The following ARFGEF1 variants were observed in gnomAD, a reference collection of about 807,000 sequenced individuals.
The protein encoded by ARFGEF1 is brefeldin A-inhibited guanine nucleotide-exchange protein 1.
In ARFGEF1, 42 loss-of-function variants were observed where a neutral mutation model predicts 231.0. The ratio of observed to expected loss-of-function variants is 0.18; its 90% CI spans 0.14 to 0.24. The LOEUF (loss-of-function observed/expected upper bound fraction) is 0.24, where lower values mean the gene tolerates loss of function less well. Ranked by LOEUF, ARFGEF1 falls within the 10% of genes least tolerant of loss-of-function variation. ARFGEF1 has a pLI of 1.00. For missense variants in ARFGEF1, 1,345 were observed against 2,192.0 expected, an observed-to-expected ratio of 0.61 and a Z score of 7.72; for synonymous variants, 710 against 732.3, an observed-to-expected ratio of 0.97 and a Z score of 0.49.
In ARFGEF1 at chr8:67,275,847, C is replaced by T. The variant is rs1431357378; in HGVS notation, c.1337+129G>A. ...CTTTTTTCTTAAACGTAAAATACCT[C>T]CCCTCCACCCAATTTTTTTTTATGG... On this transcript the variant is annotated intron_variant, in intron 9 of 38. Coordinates refer to ENST00000262215, the MANE Select transcript of ARFGEF1 (RefSeq NM_006421.5). The T allele has an allele frequency of 1.3e-5, 15 of 1,123,014 alleles. No individual in the cohort carries two copies. The Admixed American group carries it at 3.1e-4, about 23-fold the overall frequency. The allele number at this position is 1,123,014 out of a possible 1,614,324, so 69.6% of individuals were successfully genotyped here. A position where few individuals can be genotyped will look rare whatever the true frequency, so the allele number is the denominator to read the frequency against.
At chr8:67,289,273 C>G (rs575855733) in intron 6 of ARFGEF1, among the ~76,000 whole-genome samples, 6 of 152,082 alleles carry the variant, frequency 3.9e-5, no homozygotes, top group Admixed American at 3.9e-4. Flanking sequence ...ACCACTACAG[C>G]TGAGCACAGG....
intron 14 of ARFGEF1, among the ~76,000 whole-genome samples, chr8:67,262,142 T>C (rs538206449): frequency 6.6e-6 from 1 of 152,220 alleles, no homozygotes; most frequent in Non-Finnish European, 1.5e-5. Flanking sequence ...AAGGATTCAC[T>C]GTTCTAGATG....
intron 30 of ARFGEF1, among the ~76,000 whole-genome samples, chr8:67,218,480 C>T (rs901955621): frequency 1.3e-4 from 19 of 151,640 alleles, no homozygotes; most frequent in Non-Finnish European, 2.2e-4. Flanking sequence ...ATAGCAACGC[C>T]GGCCTTGCTC....
At chr8:67,206,840 C>T (rs946015063) in intron 34 of ARFGEF1, among the ~76,000 whole-genome samples, 1 of 152,206 alleles carries the variant, frequency 6.6e-6, no homozygotes, top group African/African-American at 2.4e-5. Flanking sequence ...GGCTTCAATG[C>T]TGGGCGACTT....
At chr8:67,266,341 G>C in intron 13 of ARFGEF1, 134 bp from the exon 14 acceptor site, 1 of 664,136 alleles carries the variant, frequency 1.5e-6, no homozygotes, top group Non-Finnish European at 2.6e-6. Context: ...ATAACTATTA[G>C]GTAACATAGT....
chr8:67,280,415 T>C (rs2128902420), intron 7 of ARFGEF1, among the ~76,000 whole-genome samples: 1 of 152,314 alleles, frequency 6.6e-6, no homozygotes, highest in Middle Eastern at 3.4e-3. Flanking sequence ...CTCAGCTAAC[T>C]GGGAATGCTG....
At chr8:67,289,798 T>C (rs78701295) in intron 6 of ARFGEF1, among the ~76,000 whole-genome samples, 3,210 of 152,208 alleles carry the variant, frequency 0.021, 129 homozygotes, top group African/African-American at 0.073. Context: ...AAAACATAAA[T>C]GTCTTGAAAG....
At chr8:67,339,461 GAAA>G (rs1287806095) in intron 1 of ARFGEF1, among the ~76,000 whole-genome samples, 1 of 151,928 alleles carries the variant, frequency 6.6e-6, no homozygotes, top group Non-Finnish European at 1.5e-5. Flanking sequence ...TAACATAAAA[GAAA>G]CTCCTGAAAC....
intron 1 of ARFGEF1, among the ~76,000 whole-genome samples, chr8:67,321,809 CACTTTA>C (rs911713317): frequency 6.6e-6 from 1 of 152,132 alleles, no homozygotes; most frequent in African/African-American, 2.4e-5. Context: ...TCCTTTCTGC[CACTTTA>C]ACTTTAGGTC....
chr8:67,289,549 C>CAAAAAAAA (rs552601455), intron 6 of ARFGEF1, among the ~76,000 whole-genome samples: 23 of 44,656 alleles, frequency 5.2e-4, no homozygotes, highest in South Asian at 8.9e-4. Flanking sequence ...ACTCTGTATC[C>CAAAAAAAA]AAAAAAAAAA....
chr8:67,238,252 T>C, intron 22 of ARFGEF1, 91 bp downstream of exon 22: 1 of 1,335,324 alleles, frequency 7.5e-7, no homozygotes, highest in Non-Finnish European at 1.0e-6. Flanking sequence ...GCATTTTATC[T>C]TCTCCTTCTA....
chr8:67,185,305 T>G (rs1834276592), intron 5 of ARFGEF1, among the ~76,000 whole-genome samples: 1 of 152,154 alleles, frequency 6.6e-6, no homozygotes, highest in Admixed American at 6.5e-5. Context: ...ATCTTTTCGG[T>G]TGTGAACTAA....
chr8:67,224,149 A>G (rs972182595), intron 29 of ARFGEF1, among the ~76,000 whole-genome samples: 1 of 152,192 alleles, frequency 6.6e-6, no homozygotes, highest in Non-Finnish European at 1.5e-5. Flanking sequence ...AAAGTTACAC[A>G]TCCAAATAAC....
At chr8:67,178,827 G>A (rs1008814663) in intron 5 of ARFGEF1, among the ~76,000 whole-genome samples, 4 of 152,172 alleles carry the variant, frequency 2.6e-5, no homozygotes, top group African/African-American at 9.7e-5. Flanking sequence ...AGGGCCTTGG[G>A]GGCCATTCTG....
intron 7 of ARFGEF1, among the ~76,000 whole-genome samples, chr8:67,286,798 A>G (rs900192998): frequency 6.6e-6 from 1 of 152,126 alleles, no homozygotes; most frequent in African/African-American, 2.4e-5. Flanking sequence ...TATTAATTTT[A>G]ACAGAATGAC....
At chr8:67,253,399 A>G in intron 18 of ARFGEF1, 52 bp downstream of exon 18, 1 of 1,313,090 alleles carries the variant, frequency 7.6e-7, no homozygotes, top group Admixed American at 2.2e-5. Context: ...ACTCTTAGGA[A>G]CCCATATTTT....
chr8:67,197,917 C>T lies in ARFGEF1; in HGVS notation c.*1017G>A, dbSNP rs1405852936. The T allele has an allele frequency of 1.3e-5, 13 of 985,678 alleles. No individual in the cohort carries two copies. Among genetic ancestry groups the T allele is most frequent in the Admixed American group, 6.2e-5 (1 of 16,260 alleles). The allele number at this position is 985,678 out of a possible 1,614,324, so 61.1% of individuals were successfully genotyped here. Reference sequence around the variant, plus strand: ...ATACATTTCCAGTAAATCTAACCTCCGCAAACCATGCCAGATTTGTTATTT... The same window carrying T: ...ATACATTTCCAGTAAATCTAACCTCTGCAAACCATGCCAGATTTGTTATTT... On this transcript the variant is annotated 3_prime_UTR_variant, in exon 39 of 39. Transcript: ENST00000262215.
At chr8:67,206,196 G>A (rs937340743) in intron 34 of ARFGEF1, among the ~76,000 whole-genome samples, 1 of 152,050 alleles carries the variant, frequency 6.6e-6, no homozygotes, top group African/African-American at 2.4e-5. Flanking sequence ...GATTGCCTGA[G>A]GTCAGGAGTT....
chr8:67,181,963 C>G (rs1056332411), intron 5 of ARFGEF1, among the ~76,000 whole-genome samples: 2 of 152,138 alleles, frequency 1.3e-5, no homozygotes, highest in African/African-American at 4.8e-5. Flanking sequence ...CTTCACATAA[C>G]ATCTTTGAGG....
Sources: gnomAD v4.1 joint callset for allele counts (sites outside exome capture counted in the v4.1 genomes callset) on GRCh38, gnomAD v4.1.1 for gene constraint, MANE v1.5 for transcripts, NCBI Gene and HGNC (gene_info 2026-07-23, HGNC 2026-07-21) for gene names.